Variants in ABR observed in about 807,000 individuals in gnomAD.
The protein encoded by ABR is active breakpoint cluster region-related protein.
Under a neutral mutation model 107.2 loss-of-function variants are expected in ABR, and 35 were observed. The observed-to-expected ratio is 0.33, with a 90% CI of 0.25 to 0.43. The LOEUF is 0.43. Ranked by LOEUF, ABR falls within the 20% of genes least tolerant of loss-of-function variation. The probability of loss-of-function intolerance (pLI) is 1.00; values close to 1 mark genes in which losing one functional copy is unlikely to be tolerated. For synonymous variants in ABR, 498 were observed against 462.0 expected (o/e 1.08, Z -1.00); for missense variants, 815 against 1,115.2 (o/e 0.73, Z 3.83).
chr17:1,017,826 C>A (rs2071279265), intron 16 of ABR, among the ~76,000 whole-genome samples: 1 of 151,790 alleles, frequency 6.6e-6, no homozygotes, highest in African/African-American at 2.4e-5. Context: ...TGGTCTTGAA[C>A]TCCAGACCTC....
intron 2 of ABR, among the ~76,000 whole-genome samples, chr17:1,121,313 T>C (rs1197445900): frequency 2.6e-5 from 4 of 152,260 alleles, no homozygotes; most frequent in Admixed American, 2.6e-4. Flanking sequence ...AGGAGGTTGA[T>C]TGCAAAAGCA....
At chr17:1,036,500 G>A (rs1036322074) in intron 16 of ABR, among the ~76,000 whole-genome samples, 1 of 152,178 alleles carries the variant, frequency 6.6e-6, no homozygotes, top group Non-Finnish European at 1.5e-5. Context: ...TGGGGGGCAA[G>A]AAGGTGCTGG....
intron 16 of ABR, among the ~76,000 whole-genome samples, chr17:1,024,890 C>A (rs558433062): frequency 6.6e-6 from 1 of 151,796 alleles, no homozygotes; most frequent in Non-Finnish European, 1.5e-5. Context: ...GAAGCTGAGG[C>A]GGGTGGATCA....
intron 1 of ABR, among the ~76,000 whole-genome samples, chr17:1,174,901 G>GT (rs1188951439): frequency 6.6e-6 from 1 of 152,080 alleles, no homozygotes; most frequent in Non-Finnish European, 1.5e-5. Context: ...TGGGGCACAC[G>GT]TATGTCTTGA....
chr17:1,198,610 G>A (rs1297053593), intron 1 of ABR, among the ~76,000 whole-genome samples: 2 of 151,004 alleles, frequency 1.3e-5, no homozygotes, highest in African/African-American at 2.5e-5. Flanking sequence ...GCGTGGCGGT[G>A]TACACCTGTG....
chr17:1,093,266 C>T (rs1375571644), intron 3 of ABR, among the ~76,000 whole-genome samples: 1 of 151,872 alleles, frequency 6.6e-6, no homozygotes, highest in Non-Finnish European at 1.5e-5. Flanking sequence ...GCCAGGAGTT[C>T]GAGACAAGTC....
chr17:1,028,778 C>T (rs1165321143), intron 16 of ABR, among the ~76,000 whole-genome samples: 1 of 152,212 alleles, frequency 6.6e-6, no homozygotes, highest in Non-Finnish European at 1.5e-5. Flanking sequence ...GCCTGAGTCC[C>T]CACCGCCGGC....
rs2304960 is a variant in ABR at position 1,057,121 on chromosome 17, G to T, written c.1382-19C>A. The stretch of plus-strand genomic sequence containing the variant: ...TGGAGATCTGGAGGGAGAGCCGAGA[G>T]AGAAGGGAGCGTGGGCACTGGTCCA... On this transcript the variant is annotated intron_variant, in intron 12 of 22. Transcript: ENST00000302538. 0.014 allele frequency: 21,758 copies of T among 1,567,610 alleles called. 623 individuals are homozygous for T. The highest frequency in any genetic ancestry group is 0.11 in the Admixed American group (6,719 of 59,592).
chr17:1,145,388 A>T (rs946233607), intron 1 of ABR, among the ~76,000 whole-genome samples: 2 of 152,190 alleles, frequency 1.3e-5, no homozygotes, highest in South Asian at 2.1e-4. Flanking sequence ...CCTCCTCAAG[A>T]ATTGATAACA....
intron 1 of ABR, among the ~76,000 whole-genome samples, chr17:1,149,856 G>T (rs1245653326): frequency 6.6e-6 from 1 of 152,228 alleles, no homozygotes; most frequent in Non-Finnish European, 1.5e-5. Flanking sequence ...TTTTAGCTGT[G>T]TGTCCTGGGG....
rs12947473 is a variant in ABR at position 1,153,533 on chromosome 17, A to G, written c.61+26134T>C. On this transcript the variant is annotated intron_variant, in intron 1 of 22. Coordinates refer to ENST00000302538, the MANE Select transcript of ABR (RefSeq NM_021962.5). ...GGCACACCTGCGGGGAGGGCTGGGG[A>G]CCCAGGCACACCTGCGGGAGGGCTG... Among the ~76,000 whole-genome samples, 407 of 42,268 alleles carry G rather than the reference A, an allele frequency of 9.6e-3. 3 individuals are homozygous for G. Among genetic ancestry groups the G allele is most frequent in the Middle Eastern group, 0.019 (1 of 54 alleles). The allele number at this position is 42,268 out of a possible 152,430, so 27.7% of individuals were successfully genotyped here.
At chr17:1,009,846 G>C in intron 20 of ABR, 62 bp from the exon 21 acceptor site, 1 of 1,458,110 alleles carries the variant, frequency 6.9e-7, no homozygotes, top group Non-Finnish European at 9.6e-7. Context: ...GGGCCCCTGT[G>C]GTCGTGAGGC....
At chr17:1,225,395 G>A (rs1390090840) in intron 1 of ABR, among the ~76,000 whole-genome samples, 1 of 152,106 alleles carries the variant, frequency 6.6e-6, no homozygotes, top group Non-Finnish European at 1.5e-5. Context: ...GCTCAGGCCT[G>A]TAATCCTAGC....
At chr17:1,066,686 A>T (rs1044086167) in intron 10 of ABR, among the ~76,000 whole-genome samples, 1 of 151,224 alleles carries the variant, frequency 6.6e-6, no homozygotes, top group East Asian at 1.9e-4. Context: ...CCACCACCAC[A>T]CTCTGCTAAT....
chr17:1,049,899 G>A, intron 16 of ABR, 151 bp downstream of exon 16: 1 of 1,102,490 alleles, frequency 9.1e-7, no homozygotes, highest in Non-Finnish European at 1.3e-6. Flanking sequence ...GCCACCTCTA[G>A]CAGGGAGGGG....
At chr17:1,171,729 C>T (rs927311093) in intron 1 of ABR, among the ~76,000 whole-genome samples, 1 of 152,044 alleles carries the variant, frequency 6.6e-6, no homozygotes, top group Admixed American at 6.6e-5. Flanking sequence ...GTCAGGAGTT[C>T]GAGACCAGCC....
intron 3 of ABR, among the ~76,000 whole-genome samples, chr17:1,097,760 CTCTG>C (rs1332371592): frequency 1.3e-5 from 2 of 152,178 alleles, no homozygotes; most frequent in African/African-American, 4.8e-5. Context: ...AGTCTAGATC[CTCTG>C]TCTGAACTCC....
At chr17:1,061,985 C>T (rs1025540778) in intron 10 of ABR, among the ~76,000 whole-genome samples, 2 of 152,302 alleles carry the variant, frequency 1.3e-5, no homozygotes, top group African/African-American at 2.4e-5. Flanking sequence ...TAAGCAAAGC[C>T]ACAGGTGAAC....
At chr17:1,136,936 T>A (rs1462906792) in intron 1 of ABR, among the ~76,000 whole-genome samples, 2 of 152,202 alleles carry the variant, frequency 1.3e-5, no homozygotes, top group African/African-American at 4.8e-5. Context: ...TTTGGCTAAC[T>A]GGTAGGAGAG....
Sources: allele counts gnomAD v4.1 joint callset (sites outside exome capture counted in the v4.1 genomes callset), GRCh38; gene constraint gnomAD v4.1.1; transcripts MANE v1.5; gene names NCBI Gene and HGNC (gene_info 2026-07-23, HGNC 2026-07-21).